The following PIP5K1B variants were observed in gnomAD, a reference collection of about 807,000 sequenced individuals.
PIP5K1B encodes the protein phosphatidylinositol 4-phosphate 5-kinase type-1 beta.
PIP5K1B carries 42 observed loss-of-function variants against 67.0 expected under a neutral mutation model. The observed-to-expected ratio is 0.63, with a 90% CI of 0.49 to 0.81. The LOEUF (loss-of-function observed/expected upper bound fraction) is 0.81. PIP5K1B is among the 30% of genes least tolerant of loss of function. PIP5K1B has a pLI of 0.00. For missense variants in PIP5K1B, 459 were observed against 646.3 expected, an observed-to-expected ratio of 0.71 and a Z score of 3.14; for synonymous variants, 214 against 231.4, an observed-to-expected ratio of 0.92 and a Z score of 0.68.
chr9:68,831,841 A>G (rs986158416), intron 4 of PIP5K1B, among the ~76,000 whole-genome samples: 1 of 152,012 alleles, frequency 6.6e-6, no homozygotes, highest in African/African-American at 2.4e-5. Flanking sequence ...ACGCCCAGCT[A>G]ATTTTTTTTA....
At chr9:68,999,591 C>T (rs1047817058) in intron 15 of PIP5K1B, among the ~76,000 whole-genome samples, 1 of 152,166 alleles carries the variant, frequency 6.6e-6, no homozygotes, top group African/African-American at 2.4e-5. Flanking sequence ...CTACACACAC[C>T]AGAGCTGAGA....
chr9:68,740,101 A>G (rs1000254449), intron 1 of PIP5K1B, among the ~76,000 whole-genome samples: 1 of 152,154 alleles, frequency 6.6e-6, no homozygotes, highest in African/African-American at 2.4e-5. Context: ...AATCCCTACC[A>G]GTAAGATAAA....
chr9:68,915,663 G>A (rs1826058415), intron 8 of PIP5K1B, among the ~76,000 whole-genome samples: 1 of 152,042 alleles, frequency 6.6e-6, no homozygotes, highest in Non-Finnish European at 1.5e-5. Flanking sequence ...AGGAAGGCTG[G>A]TTCCACATTG....
intron 4 of PIP5K1B, among the ~76,000 whole-genome samples, chr9:68,848,051 C>G (rs1056969546): frequency 6.9e-6 from 1 of 144,898 alleles, no homozygotes. Context: ...GCCACCTCCT[C>G]ACTGTGTAGC....
At chr9:68,791,421 G>A (rs908675081) in intron 2 of PIP5K1B, among the ~76,000 whole-genome samples, 4 of 152,108 alleles carry the variant, frequency 2.6e-5, no homozygotes, top group African/African-American at 9.7e-5. Flanking sequence ...TGTTCTCTTG[G>A]ACTATTATTG....
chr9:68,908,932 A>C (rs1825737206), intron 8 of PIP5K1B, among the ~76,000 whole-genome samples: 1 of 152,230 alleles, frequency 6.6e-6, no homozygotes, highest in South Asian at 2.1e-4. Flanking sequence ...CCCTTGATAC[A>C]TCTTCCTGTC....
At chr9:68,784,645 T>C (rs184088525) in intron 2 of PIP5K1B, 5 of 166,570 alleles carry the variant, frequency 3.0e-5, no homozygotes, top group Admixed American at 2.6e-4. Context: ...GGTGTGTTTA[T>C]AGATTAGTAG....
At chr9:68,758,143 C>T (rs1830022230) in intron 2 of PIP5K1B, among the ~76,000 whole-genome samples, 1 of 152,078 alleles carries the variant, frequency 6.6e-6, no homozygotes, top group South Asian at 2.1e-4. Context: ...ACAAAAATAG[C>T]AACATTCTCA....
intron 5 of PIP5K1B, 88 bp downstream of exon 5, chr9:68,864,055 ATGTT>A: frequency 3.2e-5 from 40 of 1,243,082 alleles, no homozygotes; most frequent in Non-Finnish European, 4.4e-5. Flanking sequence ...TACTATGTAC[ATGTT>A]TATATGTACA....
intron 2 of PIP5K1B, among the ~76,000 whole-genome samples, chr9:68,768,424 G>C (rs1204012260): frequency 2.0e-5 from 3 of 152,064 alleles, no homozygotes; most frequent in Admixed American, 1.3e-4. Context: ...ACAGAAGTTG[G>C]GTATACATAA....
intron 15 of PIP5K1B, among the ~76,000 whole-genome samples, chr9:69,001,044 G>A (rs983767583): frequency 6.6e-6 from 1 of 151,768 alleles, no homozygotes; most frequent in Admixed American, 6.6e-5. Context: ...AATTATAGGC[G>A]CACGCCACCA....
chr9:68,769,787 T>C (rs1830594831), intron 2 of PIP5K1B, among the ~76,000 whole-genome samples: 1 of 152,224 alleles, frequency 6.6e-6, no homozygotes, highest in African/African-American at 2.4e-5. Context: ...AACACTTCCG[T>C]GGCCTGTCAA....
chr9:68,914,084 T>C (rs749066386), intron 8 of PIP5K1B, among the ~76,000 whole-genome samples: 1 of 152,162 alleles, frequency 6.6e-6, no homozygotes, highest in Admixed American at 6.5e-5. Flanking sequence ...ATTTCATTTT[T>C]AAAAAAATCT....
intron 1 of PIP5K1B, among the ~76,000 whole-genome samples, chr9:68,726,801 G>A (rs1218594055): frequency 2.0e-5 from 3 of 152,158 alleles, no homozygotes; most frequent in African/African-American, 7.2e-5. Context: ...ATGAACACAT[G>A]GTATGATCGT....
chr9:68,870,323 C>G (rs766591820), intron 5 of PIP5K1B, among the ~76,000 whole-genome samples: 1 of 152,186 alleles, frequency 6.6e-6, no homozygotes, highest in Admixed American at 6.5e-5. Context: ...GCTGGTTGGT[C>G]TCTGAAGATG....
At position 68,779,632 on chromosome 9, in the gene PIP5K1B, CCCCTCCTGGTTCCCGCCTG is replaced by C. The variant is rs1417443518; in HGVS notation, c.-86+36978_-86+36996del. Among the ~76,000 whole-genome samples the C allele has an allele frequency of 2.0e-5, 3 of 152,230 alleles. No homozygotes were observed. In the East Asian group the frequency reaches 5.8e-4, roughly 29 times the overall value. The stretch of plus-strand genomic sequence containing the variant: ...TCCACTCCAGGCCACACTTTCTCCT[CCCCTCCTGGTTCCCGCCTG>C]CCAACTGGCTGGGTAGCCGTTGCTT... On this transcript the variant is annotated intron_variant, in intron 2 of 15. Coordinates refer to ENST00000265382, the MANE Select transcript of PIP5K1B (RefSeq NM_003558.4).
Position 68,993,162 on chromosome 9 carries a change from C to CAA in PIP5K1B, c.1620+1916_1620+1917dup, listed in dbSNP as rs34827003. Reference sequence around the variant, plus strand: ...GGGCGACAGAGCCAGACTCCGTCTCCAAAAAAAAAAAAGTCCTCCAGGCCC... The same window carrying CAA: ...GGGCGACAGAGCCAGACTCCGTCTCCAAAAAAAAAAAAAAGTCCTCCAGGCCC... On this transcript the variant is annotated intron_variant, in intron 15 of 15. Coordinates refer to ENST00000265382, the MANE Select transcript of PIP5K1B (RefSeq NM_003558.4). Among the ~76,000 whole-genome samples, 285 of 146,068 alleles carry CAA rather than the reference C, an allele frequency of 2.0e-3. 1 individual carries two copies. Among genetic ancestry groups the CAA allele is most frequent in the African/African-American group, 6.3e-3 (254 of 40,016 alleles).
chr9:68,744,383 T>TC (rs1234502051), intron 2 of PIP5K1B, among the ~76,000 whole-genome samples: 2 of 152,224 alleles, frequency 1.3e-5, no homozygotes, highest in African/African-American at 2.4e-5. Flanking sequence ...GGAAAGCATT[T>TC]CCCCTGTTTT....
intron 2 of PIP5K1B, among the ~76,000 whole-genome samples, chr9:68,794,390 TTTTCTTTCTTTC>T (rs141128949): frequency 3.2e-4 from 48 of 150,656 alleles, no homozygotes; most frequent in Non-Finnish European, 4.1e-4. Context: ...TGACAGTTTC[TTTTCTTTCTTTC>T]TTTCTTTCTT....
Sources: allele counts gnomAD v4.1 joint callset (sites outside exome capture counted in the v4.1 genomes callset), GRCh38; gene constraint gnomAD v4.1.1; transcripts MANE v1.5; gene names NCBI Gene and HGNC (gene_info 2026-07-23, HGNC 2026-07-21).